The following FOXP2 variants were observed in gnomAD, a reference collection of about 807,000 sequenced individuals.
FOXP2 encodes the protein forkhead box P2.
FOXP2 carries 12 observed loss-of-function variants against 115.8 expected under a neutral mutation model. The ratio of observed to expected loss-of-function variants is 0.10; its 90% CI spans 0.07 to 0.17. FOXP2 has a LOEUF of 0.17. FOXP2 is among the 10% of genes least tolerant of loss of function. The pLI, the probability that FOXP2 is intolerant of heterozygous loss-of-function variation, is 1.00. For synonymous variants in FOXP2, 328 were observed against 297.7 expected, an observed-to-expected ratio of 1.10 and a Z score of -1.05; for missense variants, 629 against 843.5, an observed-to-expected ratio of 0.75 and a Z score of 3.15.
chr7:114,245,360 A>C (rs1216783191), intron 1 of FOXP2, among the ~76,000 whole-genome samples: 1 of 152,220 alleles, frequency 6.6e-6, no homozygotes, highest in Non-Finnish European at 1.5e-5. Context: ...AGATGAATGC[A>C]GGAAACACTT....
chr7:114,283,344 A>G (rs1796386001), intron 1 of FOXP2, among the ~76,000 whole-genome samples: 1 of 152,152 alleles, frequency 6.6e-6, no homozygotes, highest in African/African-American at 2.4e-5. Context: ...TATATAACAC[A>G]TGTATTTTAT....
upstream of FOXP2, among the ~76,000 whole-genome samples, chr7:114,409,438 A>G (rs1793112885): frequency 1.3e-5 from 2 of 152,192 alleles, no homozygotes; most frequent in African/African-American, 4.8e-5. Flanking sequence ...GCACTTCTTC[A>G]TAAAACAAAA....
intron 2 of FOXP2, among the ~76,000 whole-genome samples, chr7:114,295,323 C>G (rs1396392782): frequency 1.3e-5 from 2 of 152,152 alleles, no homozygotes; most frequent in Admixed American, 6.5e-5. Context: ...TCTAACAGTA[C>G]TACCCCACAT....
intron 2 of FOXP2, among the ~76,000 whole-genome samples, chr7:114,303,510 T>C (rs1282166221): frequency 1.3e-5 from 2 of 152,180 alleles, no homozygotes; most frequent in East Asian, 3.9e-4. Flanking sequence ...AGCATTCATC[T>C]TTCATGCCCT....
Position 114,689,957 on chromosome 7 carries a change from G to A in FOXP2, c.*31G>A. 6.2e-7 allele frequency: 1 copy of A among 1,610,206 alleles called. No individual in the cohort carries two copies. The highest frequency in any genetic ancestry group is 8.5e-7 in the Non-Finnish European group (1 of 1,177,896). Reference sequence around the variant, plus strand: ...GACTTGTGAAACCTCAGCGTGAAGGGACATATCACTGACCTTCATAACCAC... The same window carrying A: ...GACTTGTGAAACCTCAGCGTGAAGGAACATATCACTGACCTTCATAACCAC... On this transcript the variant is annotated 3_prime_UTR_variant, in exon 17 of 17. Coordinates refer to ENST00000350908, the MANE Select transcript of FOXP2 (RefSeq NM_014491.4).
intron 1 of FOXP2, among the ~76,000 whole-genome samples, chr7:114,116,848 T>C (rs1392906497): frequency 6.6e-6 from 1 of 152,114 alleles, no homozygotes; most frequent in Non-Finnish European, 1.5e-5. Flanking sequence ...AGTCTCCCGC[T>C]CTTCAAAGGG....
upstream of FOXP2, among the ~76,000 whole-genome samples, chr7:114,087,498 C>T: frequency 6.6e-6 from 1 of 151,996 alleles, no homozygotes; most frequent in Non-Finnish European, 1.5e-5. Flanking sequence ...AGCGCAGACA[C>T]CTTTCGGTGA....
Position 114,690,131 on chromosome 7 carries a change from T to G in FOXP2, c.*205T>G. ...CTTGTTTTCTTCTTCTTCTTCTTCT[T>G]TTTTTTTTTTTTTTTAGAAAAAAAG... On this transcript the variant is annotated 3_prime_UTR_variant, in exon 17 of 17. Transcript: ENST00000350908. The G allele has an allele frequency of 7.5e-6, 1 of 133,858 alleles. No homozygotes were observed. The highest frequency in any genetic ancestry group is 1.3e-3 in the Middle Eastern group (1 of 796). 8.3% of individuals were successfully genotyped at this position (133,858 alleles called of 1,614,324 possible).
At chr7:114,550,743 C>CGA in intron 3 of FOXP2, among the ~76,000 whole-genome samples, 1 of 152,266 alleles carries the variant, frequency 6.6e-6, no homozygotes, top group Middle Eastern at 3.4e-3. Flanking sequence ...ATGGGTTACT[C>CGA]AGTGCTAAGA....
chr7:114,594,098 T>A (rs899439883), intron 3 of FOXP2, among the ~76,000 whole-genome samples: 6 of 152,066 alleles, frequency 3.9e-5, no homozygotes, highest in African/African-American at 1.4e-4. Flanking sequence ...AACAGTTGGT[T>A]TATTGTTACA....
intron 2 of FOXP2, among the ~76,000 whole-genome samples, chr7:114,381,187 G>A (rs557845209): frequency 1.3e-5 from 2 of 152,306 alleles, no homozygotes; most frequent in Admixed American, 6.5e-5. Flanking sequence ...TTGGGATGAG[G>A]ATAAGCCAGT....
At chr7:114,556,280 A>G (rs1333882977) in intron 3 of FOXP2, among the ~76,000 whole-genome samples, 2 of 152,180 alleles carry the variant, frequency 1.3e-5, no homozygotes, top group African/African-American at 4.8e-5. Context: ...GCTTCTGTAT[A>G]TGCTACATGC....
chr7:114,383,000 A>G (rs1418007067), intron 2 of FOXP2, among the ~76,000 whole-genome samples: 7 of 152,168 alleles, frequency 4.6e-5, no homozygotes, highest in Non-Finnish European at 8.8e-5. Context: ...GAGGGTCTAC[A>G]CTGGGAACTG....
chr7:114,349,811 A>G (rs141702779), intron 2 of FOXP2, among the ~76,000 whole-genome samples: 181 of 152,198 alleles, frequency 1.2e-3, no homozygotes, highest in African/African-American at 3.9e-3. Context: ...AATTAAGTCA[A>G]TTAGTGTCTA....
chr7:114,638,154 G>C (rs1049501838), intron 6 of FOXP2, among the ~76,000 whole-genome samples: 4 of 152,016 alleles, frequency 2.6e-5, no homozygotes, highest in Non-Finnish European at 5.9e-5. Context: ...GAGGGGTATG[G>C]GATGGGATCA....
At chr7:114,379,483 C>T (rs1792226915) in intron 2 of FOXP2, among the ~76,000 whole-genome samples, 1 of 151,990 alleles carries the variant, frequency 6.6e-6, no homozygotes, top group Non-Finnish European at 1.5e-5. Flanking sequence ...CTAACTGCTT[C>T]CTGCTGAATT....
At chr7:114,492,925 A>G (rs1263744019) in intron 2 of FOXP2, among the ~76,000 whole-genome samples, 1 of 152,032 alleles carries the variant, frequency 6.6e-6, no homozygotes, top group Non-Finnish European at 1.5e-5. Flanking sequence ...ATGTCTATTA[A>G]GTCCGCTTGG....
chr7:114,145,255 G>A (rs2129147784), intron 1 of FOXP2, among the ~76,000 whole-genome samples: 1 of 151,974 alleles, frequency 6.6e-6, no homozygotes, highest in Non-Finnish European at 1.5e-5. Flanking sequence ...TAATAATAAA[G>A]GATACAATTA....
intron 1 of FOXP2, among the ~76,000 whole-genome samples, chr7:114,137,032 T>C (rs576165955): frequency 6.6e-5 from 10 of 152,180 alleles, no homozygotes; most frequent in African/African-American, 1.9e-4. Context: ...TTGAAAAACT[T>C]AATGTGCTGT....
Sources: allele counts gnomAD v4.1 joint callset (sites outside exome capture counted in the v4.1 genomes callset), GRCh38; gene constraint gnomAD v4.1.1; transcripts MANE v1.5; gene names NCBI Gene and HGNC (gene_info 2026-07-23, HGNC 2026-07-21).